Variants in FKBP3 observed in about 807,000 individuals in gnomAD.
FKBP3 encodes the protein FKBP prolyl isomerase 3, also known as peptidyl-prolyl cis-trans isomerase FKBP3.
Under a neutral mutation model 30.6 loss-of-function variants are expected in FKBP3, and 21 were observed. The ratio of observed to expected loss-of-function variants is 0.69; its 90% CI spans 0.49 to 0.99. The LOEUF is 0.99. Ranked by LOEUF, FKBP3 falls within the 50% of genes least tolerant of loss-of-function variation. FKBP3 has a pLI of 0.00. For synonymous variants in FKBP3, 82 were observed against 91.3 expected (o/e 0.90, Z 0.58); for missense variants, 283 against 261.6 (o/e 1.08, Z -0.56).
intron 1 of FKBP3, among the ~76,000 whole-genome samples, chr14:45,132,160 T>C (rs546042324): frequency 6.6e-6 from 1 of 152,316 alleles, no homozygotes; most frequent in African/African-American, 2.4e-5. Context: ...ACTATCACTA[T>C]TGTATTTTTT....
At chr14:45,122,684 T>C (rs975468590) in intron 3 of FKBP3, among the ~76,000 whole-genome samples, 1 of 151,794 alleles carries the variant, frequency 6.6e-6, no homozygotes, top group South Asian at 2.1e-4. Flanking sequence ...TTTGGATTTT[T>C]AGTAGAGACA....
At chr14:45,124,529 TC>T (rs1285838189) in intron 3 of FKBP3, among the ~76,000 whole-genome samples, 2 of 150,686 alleles carry the variant, frequency 1.3e-5, no homozygotes, top group Non-Finnish European at 2.9e-5. Context: ...TAAAACTCTG[TC>T]TTAAAAAAAA....
At chr14:45,125,768 C>A (rs961620181) in intron 3 of FKBP3, among the ~76,000 whole-genome samples, 1 of 151,872 alleles carries the variant, frequency 6.6e-6, no homozygotes, top group African/African-American at 2.4e-5. Flanking sequence ...AGCCCAGGAG[C>A]TGGGTCTTAA....
At chr14:45,130,005 A>C in intron 2 of FKBP3, 104 bp from the exon 3 acceptor site, 2 of 569,722 alleles carry the variant, frequency 3.5e-6, no homozygotes, top group Non-Finnish European at 6.1e-6. Context: ...CATAATAAAT[A>C]TAGGTTGTAT....
intron 3 of FKBP3, among the ~76,000 whole-genome samples, chr14:45,124,767 C>G (rs531584950): frequency 6.6e-6 from 1 of 152,016 alleles, no homozygotes; most frequent in South Asian, 2.1e-4. Context: ...AAAAATATTA[C>G]TGTCTGTAAG....
intron 6 of FKBP3, among the ~76,000 whole-genome samples, chr14:45,117,399 A>T (rs1216927964): frequency 6.6e-6 from 1 of 152,232 alleles, no homozygotes; most frequent in East Asian, 1.9e-4. Flanking sequence ...TCCAAGAGGA[A>T]TGGAACCAAC....
chr14:45,120,067 T>C (rs911885915), intron 5 of FKBP3, among the ~76,000 whole-genome samples: 3 of 152,204 alleles, frequency 2.0e-5, no homozygotes, highest in Non-Finnish European at 4.4e-5. Flanking sequence ...TATGATTGTC[T>C]GAACCATATC....
In FKBP3 at chr14:45,130,810, A is replaced by C; in HGVS notation, c.109-10T>G. ...TATGTTCTGCAAGAAACTATAAGGA[A>C]AAAAGCTGGGTAATCAAGATAACTT... On this transcript the variant is annotated splice_polypyrimidine_tract_variant and intron_variant, in intron 1 of 6. Transcript: ENST00000396062. The C allele has an allele frequency of 6.5e-7, 1 of 1,532,518 alleles. No individual in the cohort carries two copies. Among genetic ancestry groups the C allele is most frequent in the Non-Finnish European group, 8.9e-7 (1 of 1,118,170 alleles). The allele number at this position is 1,532,518 out of a possible 1,614,324, so 94.9% of individuals were successfully genotyped here.
chr14:45,121,020 G>A lies in FKBP3; in HGVS notation c.455-66C>T, dbSNP rs1884974136. The A allele has an allele frequency of 4.7e-6, 6 of 1,270,808 alleles. 1 individual carries two copies. In the South Asian group the frequency reaches 7.9e-5, roughly 17 times the overall value. The allele number at this position is 1,270,808 out of a possible 1,614,324, so 78.7% of individuals were successfully genotyped here. A position where few individuals can be genotyped will look rare whatever the true frequency, so the allele number is the denominator to read the frequency against. On this transcript the variant is annotated intron_variant, in intron 4 of 6. Transcript: ENST00000396062. ...ATTTATTATTAAGAAATTTCCATTG[G>A]AAATTATTAAATTCCAGTGGAAAAA...
intron 3 of FKBP3, among the ~76,000 whole-genome samples, chr14:45,127,398 A>G (rs1462357585): frequency 6.6e-6 from 1 of 151,934 alleles, no homozygotes; most frequent in Non-Finnish European, 1.5e-5. Flanking sequence ...TACAGGCATG[A>G]GCCACCATGC....
At chr14:45,128,388 G>A (rs1006234599) in intron 3 of FKBP3, among the ~76,000 whole-genome samples, 2 of 152,182 alleles carry the variant, frequency 1.3e-5, no homozygotes, top group African/African-American at 4.8e-5. Context: ...GAATTTGTGA[G>A]AAAATGTCAA....
At chr14:45,117,112 C>T (rs541394630) in intron 6 of FKBP3, among the ~76,000 whole-genome samples, 17 of 152,178 alleles carry the variant, frequency 1.1e-4, no homozygotes, top group Admixed American at 2.6e-4. Flanking sequence ...GCTGGGATTA[C>T]AGGCCTGCAA....
chr14:45,130,744 G>A lies in FKBP3; in HGVS notation c.165C>T (p.Asn55=), dbSNP rs368474614. The A allele has an allele frequency of 5.6e-6, 9 of 1,611,148 alleles. No homozygotes were observed. The highest frequency in any genetic ancestry group is 7.6e-6 in the Non-Finnish European group (9 of 1,178,836). Residue 55 remains asparagine (N), a synonymous_variant, in exon 2 of 7, where the codon AAC becomes AAT. Transcript: ENST00000396062. ...TATAGGCTGTAACCAAGTGGTCCTT[G>A]TTAGCTGTCTTGGCCACATTTTTAA... ...GNIKNVAKTA[N]KDHLVTAYNH...
At chr14:45,117,714 C>G (rs1884883192) in intron 6 of FKBP3, among the ~76,000 whole-genome samples, 1 of 152,102 alleles carries the variant, frequency 6.6e-6, no homozygotes, top group Admixed American at 6.6e-5. Context: ...TTGTACTGGG[C>G]ATGGTAACTT....
rs10145871 is a variant in FKBP3 at position 45,130,426 on chromosome 14, T to A, written c.210+273A>T. Among the ~76,000 whole-genome samples, 257 of 152,382 alleles carry A rather than the reference T, an allele frequency of 1.7e-3. 1 individual carries two copies. The highest frequency in any genetic ancestry group is 6.1e-3 in the African/African-American group (252 of 41,594). ...TGCTAAAGTAATACGGTAATACCAC[T>A]GACCTAATGAATTTATAACTTCAGT... is the stretch of plus-strand genomic sequence containing the variant. On this transcript the variant is annotated intron_variant, in intron 2 of 6. Transcript: ENST00000396062.
rs1257064960 is a variant in FKBP3, at chr14:45,125,567, A to G, written c.319-3947T>C. On this transcript the variant is annotated intron_variant, in intron 3 of 6. Coordinates refer to ENST00000396062, the MANE Select transcript of FKBP3 (RefSeq NM_002013.4). ...ATTCATACCATGAAAATTTTCCTCA[A>G]TGCTATTTAATATATAATAGACAAT... Among the ~76,000 whole-genome samples the G allele has an allele frequency of 2.0e-5, 3 of 152,194 alleles. 1 individual carries two copies. Among genetic ancestry groups the G allele is most frequent in the African/African-American group, 4.8e-5 (2 of 41,446 alleles).
At chr14:45,133,403 G>A in intron 1 of FKBP3, 1 of 238,986 alleles carries the variant, frequency 4.2e-6, no homozygotes, top group Non-Finnish European at 9.2e-6. Flanking sequence ...GGAGGCGGAG[G>A]TTGCAGTGAG....
intron 3 of FKBP3, among the ~76,000 whole-genome samples, chr14:45,126,515 T>C (rs1237848088): frequency 2.6e-5 from 4 of 151,292 alleles, no homozygotes; most frequent in Non-Finnish European, 4.4e-5. Flanking sequence ...AAAGAATACG[T>C]CTATAGAAAC....
rs766416899 is a variant in FKBP3 at position 45,129,920 on chromosome 14, A to G, written c.211-19T>C. The G allele has an allele frequency of 1.0e-5, 16 of 1,536,970 alleles. No homozygotes were observed. Among genetic ancestry groups the G allele is most frequent in the Non-Finnish European group, 1.3e-5 (15 of 1,115,168 alleles). ...TAAAACGCTGTAAGGAAAATGTTGT[A>G]ACATCATACCCAGGACAGGCTAAAA... is the stretch of plus-strand genomic sequence containing the variant. On this transcript the variant is annotated intron_variant, in intron 2 of 6. Coordinates refer to ENST00000396062, the MANE Select transcript of FKBP3 (RefSeq NM_002013.4).
Sources: allele counts gnomAD v4.1 joint callset (sites outside exome capture counted in the v4.1 genomes callset), GRCh38; gene constraint gnomAD v4.1.1; transcripts MANE v1.5; gene names NCBI Gene and HGNC (gene_info 2026-07-23, HGNC 2026-07-21).